KIF2A: variants seen among roughly 807,000 people sequenced by gnomAD.
KIF2A encodes the protein kinesin family member 2A, also known as kinesin-like protein KIF2A.
In KIF2A, 22 loss-of-function variants were observed where a neutral mutation model predicts 100.2. The ratio of observed to expected loss-of-function variants is 0.22; its 90% confidence interval spans 0.16 to 0.31. KIF2A has a LOEUF of 0.31. KIF2A is among the 10% of genes least tolerant of loss of function. The probability of loss-of-function intolerance (pLI) is 1.00; values close to 1 mark genes in which losing one functional copy is unlikely to be tolerated. For synonymous variants in KIF2A, 268 were observed against 285.9 expected (o/e 0.94, Z 0.63); for missense variants, 495 against 898.7 (o/e 0.55, Z 5.74).
chr5:62,344,042 C>A (rs1747428690), intron 1 of KIF2A, among the ~76,000 whole-genome samples: 2 of 152,036 alleles, frequency 1.3e-5, no homozygotes, highest in African/African-American at 4.8e-5. Context: ...CTTTATTTTT[C>A]TCATCTATAA....
intron 20 of KIF2A, among the ~76,000 whole-genome samples, chr5:62,383,432 A>G (rs889542936): frequency 6.7e-6 from 1 of 149,994 alleles, no homozygotes; most frequent in Non-Finnish European, 1.5e-5. Flanking sequence ...TTTAGTAGAG[A>G]CGGGGTTTCA....
chr5:62,307,661 A>C (rs1745376872), intron 1 of KIF2A, among the ~76,000 whole-genome samples: 1 of 146,176 alleles, frequency 6.8e-6, no homozygotes, highest in Non-Finnish European at 1.5e-5. Context: ...ATTTTCACCC[A>C]GGCTGGAGTG....
Position 62,355,334 on chromosome 5 carries a change from T to C in KIF2A, c.654+80T>C, listed in dbSNP as rs949312205. The stretch of plus-strand genomic sequence containing the variant: ...GTGTTTGACACTTGCTAAATTCATA[T>C]TGTGTTCAGCTATGTAGTTTTTCCT... On this transcript the variant is annotated intron_variant, in intron 7 of 20. Transcript: ENST00000407818. 15 of 749,550 alleles carry C rather than the reference T, an allele frequency of 2.0e-5. No homozygotes were observed. The African/African-American group carries it at 2.6e-4, about 13-fold the overall frequency. 46.4% of individuals were successfully genotyped at this position (749,550 alleles called of 1,614,324 possible). A position where few individuals can be genotyped will look rare whatever the true frequency, so the allele number is the denominator to read the frequency against.
At chr5:62,347,329 TTTA>T in intron 2 of KIF2A, 105 bp downstream of exon 2, 1 of 643,022 alleles carries the variant, frequency 1.6e-6, no homozygotes. Context: ...TGCATATATT[TTTA>T]TTATTCCTTG....
intron 9 of KIF2A, among the ~76,000 whole-genome samples, 165 bp downstream of exon 9, chr5:62,358,464 CT>C (rs1748223007): frequency 6.6e-6 from 1 of 152,110 alleles, no homozygotes; most frequent in Non-Finnish European, 1.5e-5. Context: ...AATATTAACA[CT>C]TGTTCTCTGT....
intron 19 of KIF2A, among the ~76,000 whole-genome samples, chr5:62,378,545 G>A (rs1013159260): frequency 6.6e-6 from 1 of 152,146 alleles, no homozygotes; most frequent in African/African-American, 2.4e-5. Context: ...TCAGCTCTAG[G>A]CCATTCAAGA....
In KIF2A at chr5:62,373,804, G is replaced by T. The variant is rs748185496; in HGVS notation, c.1878G>T (p.Gln626His). The change falls in exon 18 of 21, where the codon CAG becomes CAT. Residue 626 changes from glutamine (Q) to histidine (H), a missense_variant. Coordinates refer to ENST00000407818, the MANE Select transcript of KIF2A (RefSeq NM_001098511.3). The part of the protein sequence containing the change: ...ETQWGVGSSP[Q>H]RDDLKLLCEQ... ...AGTGGGGTGTGGGGAGTTCCCCTCA[G>T]AGAGATGATCTAAAACTTCTTTGTG... The T allele has an allele frequency of 8.1e-6, 13 of 1,612,830 alleles. No individual in the cohort carries two copies. Among genetic ancestry groups the T allele is most frequent in the African/African-American group, 1.3e-5 (1 of 74,910 alleles).
intron 7 of KIF2A, among the ~76,000 whole-genome samples, chr5:62,355,571 T>G (rs1748059861): frequency 6.6e-6 from 1 of 152,230 alleles, no homozygotes. Context: ...GAGTTATACT[T>G]TGATCTCAGT....
At position 62,306,447 on chromosome 5, in the gene KIF2A, C is replaced by T. The variant is rs1745275834; in HGVS notation, c.-26C>T. The T allele has an allele frequency of 6.5e-7, 1 of 1,538,902 alleles. No individual in the cohort carries two copies. Among genetic ancestry groups the T allele is most frequent in the Non-Finnish European group, 8.8e-7 (1 of 1,141,002 alleles). ...CGCCCTCCGGTCCCCCTCCCTCGGC[C>T]CGCTGCTGCTGCTCCAGATGAGGTG... On this transcript the variant is annotated 5_prime_UTR_variant, in exon 1 of 21. Transcript: ENST00000407818.
intron 1 of KIF2A, among the ~76,000 whole-genome samples, chr5:62,309,457 G>T (rs116609763): frequency 0.021 from 3,227 of 152,316 alleles, 52 homozygotes; most frequent in Non-Finnish European, 0.035. Context: ...GGACAGTAGT[G>T]TTTCACAATA....
intron 1 of KIF2A, among the ~76,000 whole-genome samples, chr5:62,323,702 G>C (rs1396474520): frequency 6.6e-6 from 1 of 152,002 alleles, no homozygotes; most frequent in Non-Finnish European, 1.5e-5. Context: ...GAATGTAGGG[G>C]GTTATCATCT....
rs34005703 is a variant in KIF2A, at chr5:62,379,659, GA to G, written c.2014-1445del. ...CCTGAGCAACAAGAGTGAAACTCAG[GA>G]AAAAAAAAAAAAAGGAAAATTGGAG... On this transcript the variant is annotated intron_variant, in intron 19 of 20. Transcript: ENST00000407818. 6.5e-3 allele frequency among the ~76,000 whole-genome samples: 873 copies of G among 133,920 alleles called. 11 individuals carry two copies. The highest frequency in any genetic ancestry group is 0.02 in the African/African-American group (723 of 36,908). The allele number at this position is 133,920 out of a possible 152,430, so 87.9% of individuals were successfully genotyped here. A position where few individuals can be genotyped will look rare whatever the true frequency, so the allele number is the denominator to read the frequency against.
chr5:62,321,966 G>T (rs934072722), intron 1 of KIF2A, among the ~76,000 whole-genome samples: 1 of 152,094 alleles, frequency 6.6e-6, no homozygotes, highest in Non-Finnish European at 1.5e-5. Context: ...TGTCACCCAG[G>T]CTGGAATGCA....
chr5:62,329,401 C>A (rs1447076971), intron 1 of KIF2A, among the ~76,000 whole-genome samples: 1 of 152,200 alleles, frequency 6.6e-6, no homozygotes, highest in Non-Finnish European at 1.5e-5. Context: ...ATGAAGGACT[C>A]TTTTCCTCAC....
intron 1 of KIF2A, among the ~76,000 whole-genome samples, chr5:62,321,642 A>G (rs1056555706): frequency 1.3e-5 from 2 of 152,178 alleles, no homozygotes; most frequent in African/African-American, 4.8e-5. Context: ...AGTTCACTGC[A>G]ACCTCTGCCT....
At chr5:62,372,811 C>A (rs1741380524) in intron 17 of KIF2A, among the ~76,000 whole-genome samples, 1 of 152,148 alleles carries the variant, frequency 6.6e-6, no homozygotes. Context: ...TGCATACTTA[C>A]CATTAAAATT....
At position 62,306,416 on chromosome 5, in the gene KIF2A, C is replaced by T; in HGVS notation, c.-57C>T. ...CACACCTACCCCGCCCCCTCCCCGC[C>T]TTTTCCGCCCTCCGGTCCCCCTCCC... On this transcript the variant is annotated 5_prime_UTR_variant, in exon 1 of 21. Transcript: ENST00000407818. The T allele has an allele frequency of 7.3e-7, 1 of 1,366,884 alleles. No homozygotes were observed. Among genetic ancestry groups the T allele is most frequent in the Non-Finnish European group, 1.0e-6 (1 of 987,998 alleles). 84.7% of individuals were successfully genotyped at this position (1,366,884 alleles called of 1,614,324 possible).
intron 1 of KIF2A, among the ~76,000 whole-genome samples, chr5:62,334,212 C>A (rs939233969): frequency 6.6e-6 from 1 of 151,882 alleles, no homozygotes; most frequent in South Asian, 2.1e-4. Context: ...TGAATAGGGG[C>A]AACAGTACCT....
chr5:62,322,225 C>G, intron 1 of KIF2A, among the ~76,000 whole-genome samples: 1 of 152,126 alleles, frequency 6.6e-6, no homozygotes, highest in Non-Finnish European at 1.5e-5. Context: ...TCCACCGTGC[C>G]CAGTCAATAT....
Sources: allele counts gnomAD v4.1 joint callset (sites outside exome capture counted in the v4.1 genomes callset), GRCh38; gene constraint gnomAD v4.1.1; transcripts MANE v1.5; gene names NCBI Gene and HGNC (gene_info 2026-07-23, HGNC 2026-07-21).